KCNMA1: variants seen among roughly 807,000 people sequenced by gnomAD.
The protein encoded by KCNMA1 is Calcium-activated potassium channel subunit alpha-1.
In KCNMA1, 29 loss-of-function variants were observed where a neutral mutation model predicts 140.0. The ratio of observed to expected loss-of-function variants is 0.21; its 90% CI spans 0.15 to 0.28. The LOEUF (loss-of-function observed/expected upper bound fraction) is 0.28. Among genes scored for constraint, KCNMA1 ranks in the 10% least tolerant of loss-of-function variants. KCNMA1 has a pLI of 1.00. For missense variants in KCNMA1, 880 were observed against 1,602.2 expected (o/e 0.55, Z 7.70); for synonymous variants, 612 against 611.9 (o/e 1.00, Z 0.00).
intron 1 of KCNMA1, among the ~76,000 whole-genome samples, chr10:77,632,811 G>A (rs1452432717): frequency 1.3e-5 from 2 of 152,324 alleles, no homozygotes; most frequent in Admixed American, 6.5e-5. Context: ...CCTGCTAAGT[G>A]TCTGGCATTT....
chr10:76,906,354 A>C (rs1339807398), intron 25 of KCNMA1, among the ~76,000 whole-genome samples: 1 of 152,238 alleles, frequency 6.6e-6, no homozygotes, highest in Non-Finnish European at 1.5e-5. Context: ...ATCTTCTTAG[A>C]GACATATATC....
intron 2 of KCNMA1, among the ~76,000 whole-genome samples, chr10:77,319,658 G>C (rs985998348): frequency 6.6e-6 from 1 of 152,244 alleles, no homozygotes; most frequent in Non-Finnish European, 1.5e-5. Context: ...GTGTGGCTGA[G>C]TGCTGAGTGG....
rs141010253 is a variant in KCNMA1, at chr10:77,500,990, G to A, written c.379-96967C>T. Among the ~76,000 whole-genome samples the A allele has an allele frequency of 6.4e-4, 97 of 152,304 alleles. 3 individuals are homozygous for A. In the East Asian group the frequency reaches 0.018, roughly 28 times the overall value. On this transcript the variant is annotated intron_variant, in intron 1 of 27. Transcript: ENST00000286628. ...TCTCAGACCTATCGCAGACCTGACCGAAATCAGAAACTCTGGAGTGGGGCC... is the reference window on the plus strand; with the variant it reads ...TCTCAGACCTATCGCAGACCTGACCAAAATCAGAAACTCTGGAGTGGGGCC...
At chr10:77,286,797 T>C (rs2071115084) in intron 2 of KCNMA1, among the ~76,000 whole-genome samples, 1 of 150,848 alleles carries the variant, frequency 6.6e-6, no homozygotes, top group South Asian at 2.1e-4. Flanking sequence ...ATTCTTACTT[T>C]ATGCATCCTC....
chr10:77,588,279 G>T (rs570542009), intron 1 of KCNMA1, among the ~76,000 whole-genome samples: 1 of 152,172 alleles, frequency 6.6e-6, no homozygotes, highest in Non-Finnish European at 1.5e-5. Flanking sequence ...AAAGGGGCAA[G>T]GTAGGAAGTT....
At chr10:77,230,591 G>T (rs143465278) in intron 3 of KCNMA1, among the ~76,000 whole-genome samples, 1 of 152,270 alleles carries the variant, frequency 6.6e-6, no homozygotes, top group Non-Finnish European at 1.5e-5. Flanking sequence ...AAAGTTTGCC[G>T]GTGAAGTTGG....
chr10:76,920,018 G>GTCTATATATA (rs1340604804), intron 23 of KCNMA1, among the ~76,000 whole-genome samples: 1 of 43,584 alleles, frequency 2.3e-5, no homozygotes, highest in Non-Finnish European at 4.0e-5. Context: ...GTGTGTGTGT[G>GTCTATATATA]TGTATATATA....
intron 1 of KCNMA1, among the ~76,000 whole-genome samples, chr10:77,436,990 ACACAC>A (rs1566843255): frequency 6.7e-6 from 1 of 148,428 alleles, no homozygotes; most frequent in Non-Finnish European, 1.5e-5. Flanking sequence ...ACACACACAC[ACACAC>A]ACTCCTTCAG....
chr10:77,569,550 T>C (rs1464700482), intron 1 of KCNMA1, among the ~76,000 whole-genome samples: 1 of 151,288 alleles, frequency 6.6e-6, no homozygotes. Context: ...AAGCTGAAAC[T>C]GGATCCCTTC....
intron 23 of KCNMA1, among the ~76,000 whole-genome samples, chr10:76,923,445 A>G (rs1232231806): frequency 2.0e-5 from 3 of 151,812 alleles, no homozygotes; most frequent in East Asian, 1.9e-4. Flanking sequence ...AAAAAAAAAA[A>G]GAAAAAAAGA....
At chr10:77,325,482 T>C (rs1277783188) in intron 2 of KCNMA1, among the ~76,000 whole-genome samples, 2 of 152,190 alleles carry the variant, frequency 1.3e-5, no homozygotes, top group African/African-American at 4.8e-5. Context: ...GGTAGCTGAC[T>C]AAGCCAGGGG....
intron 3 of KCNMA1, among the ~76,000 whole-genome samples, chr10:77,206,824 G>T (rs2044296780): frequency 7.2e-6 from 1 of 138,300 alleles, no homozygotes; most frequent in Non-Finnish European, 1.6e-5. Flanking sequence ...GGAGGGGGGG[G>T]CGGGTCTTAG....
At chr10:77,145,212 C>A (rs1457824599) in intron 5 of KCNMA1, among the ~76,000 whole-genome samples, 1 of 152,172 alleles carries the variant, frequency 6.6e-6, no homozygotes, top group Non-Finnish European at 1.5e-5. Context: ...TGGTTCCTGG[C>A]ATCTCCACAT....
At chr10:77,631,118 A>AAG (rs1477681546) in intron 1 of KCNMA1, among the ~76,000 whole-genome samples, 6 of 151,292 alleles carry the variant, frequency 4.0e-5, no homozygotes, top group African/African-American at 1.5e-4. Context: ...AAAAAAAAAA[A>AAG]AAAAAAAAAA....
At position 77,637,749 on chromosome 10, in the gene KCNMA1, C is replaced by T. The variant is rs1442902705; in HGVS notation, c.-107G>A. The stretch of plus-strand genomic sequence containing the variant: ...ATATTGCTGCTACTGCTGCCGCCGC[C>T]GCCGCCGCCGCGGAGCGCGGGAGGG... On this transcript the variant is annotated 5_prime_UTR_variant, in exon 1 of 28. Transcript: ENST00000286628. 2.3e-6 allele frequency: 3 copies of T among 1,308,966 alleles called. No homozygotes were observed. The highest frequency in any genetic ancestry group is 3.1e-5 in the East Asian group (1 of 31,772). The allele number at this position is 1,308,966 out of a possible 1,614,324, so 81.1% of individuals were successfully genotyped here.
intron 1 of KCNMA1, among the ~76,000 whole-genome samples, chr10:77,539,552 GC>G (rs1409924197): frequency 6.6e-6 from 1 of 152,102 alleles, no homozygotes; most frequent in Non-Finnish European, 1.5e-5. Context: ...CTCTGGCAGG[GC>G]CCCTCATCCC....
At chr10:77,429,470 C>T (rs1183635182) in intron 1 of KCNMA1, among the ~76,000 whole-genome samples, 2 of 152,154 alleles carry the variant, frequency 1.3e-5, no homozygotes, top group Non-Finnish European at 2.9e-5. Flanking sequence ...GCAAAATCGC[C>T]ACCATTTGAA....
At chr10:76,964,066 G>A (rs936944939) in intron 20 of KCNMA1, among the ~76,000 whole-genome samples, 12 of 151,628 alleles carry the variant, frequency 7.9e-5, no homozygotes, top group Admixed American at 2.6e-4. Context: ...AGCAAATCCT[G>A]GCTCCTGCCT....
At chr10:77,058,462 C>CT (rs2095623717) in intron 14 of KCNMA1, among the ~76,000 whole-genome samples, 1 of 152,168 alleles carries the variant, frequency 6.6e-6, no homozygotes, top group Middle Eastern at 3.4e-3. Context: ...AATATACATT[C>CT]TTTTTAAGCT....
Sources: allele counts gnomAD v4.1 joint callset (sites outside exome capture counted in the v4.1 genomes callset), GRCh38; gene constraint gnomAD v4.1.1; transcripts MANE v1.5; gene names NCBI Gene and HGNC (gene_info 2026-07-23, HGNC 2026-07-21).